The following DDHD1 variants were observed in gnomAD, a reference collection of about 807,000 sequenced individuals.
DDHD1 encodes the protein phospholipase DDHD1.
A neutral mutation model predicts 96.4 loss-of-function variants in DDHD1; 49 were observed. That is an observed-to-expected ratio of 0.51 (90% CI 0.40 to 0.64). The LOEUF is 0.64. DDHD1 is among the 30% of genes least tolerant of loss of function. The pLI is 0.00. For synonymous variants in DDHD1, 442 were observed against 446.5 expected, an observed-to-expected ratio of 0.99 and a Z score of 0.13; for missense variants, 1,106 against 1,161.2, an observed-to-expected ratio of 0.95 and a Z score of 0.69.
intron 9 of DDHD1, 97 bp downstream of exon 9, chr14:53,058,380 G>T: frequency 1.5e-6 from 2 of 1,375,362 alleles, no homozygotes; most frequent in South Asian, 3.0e-5. Flanking sequence ...CTCCCAAAGT[G>T]CTGGGATTAC....
chr14:53,121,085 T>C (rs368643894), intron 1 of DDHD1, among the ~76,000 whole-genome samples: 92 of 150,800 alleles, frequency 6.1e-4, no homozygotes, highest in African/African-American at 2.2e-3. Flanking sequence ...GGAACTTAAA[T>C]CTACAAGAAA....
At position 53,042,047 on chromosome 14, in the gene DDHD1, T is replaced by C. The variant is rs1881696337; in HGVS notation, c.*4721A>G. The C allele has an allele frequency of 6.6e-6, 1 of 152,142 alleles. No individual in the cohort carries two copies. Among genetic ancestry groups the C allele is most frequent in the Non-Finnish European group, 1.5e-5 (1 of 68,026 alleles). The allele number at this position is 152,142 out of a possible 1,614,324, so 9.4% of individuals were successfully genotyped here. A position where few individuals can be genotyped will look rare whatever the true frequency, so the allele number is the denominator to read the frequency against. On this transcript the variant is annotated 3_prime_UTR_variant, in exon 13 of 13. Coordinates refer to ENST00000673822, the MANE Select transcript of DDHD1 (RefSeq NM_001160148.2). ...GTCATTCATTGGCCATGTGATTGTA[T>C]AGGGTGGAATCGGTCACTTACAAAA...
rs992127542 is a variant in DDHD1, at chr14:53,036,901, A to G, written c.*9867T>C. 6.6e-6 allele frequency: 1 copy of G among 152,154 alleles called. No homozygotes were observed. Among genetic ancestry groups the G allele is most frequent in the African/African-American group, 2.4e-5 (1 of 41,426 alleles). 9.4% of individuals were successfully genotyped at this position (152,154 alleles called of 1,614,324 possible). ...ACCCAGGTAGTGAGCATAGTACCCA[A>G]TAGGTAGTTTTTCAACCTATCCTTC... On this transcript the variant is annotated 3_prime_UTR_variant, in exon 13 of 13. Coordinates refer to ENST00000673822, the MANE Select transcript of DDHD1 (RefSeq NM_001160148.2).
chr14:53,126,733 T>C (rs1205940758), intron 1 of DDHD1, among the ~76,000 whole-genome samples: 1 of 152,240 alleles, frequency 6.6e-6, no homozygotes, highest in Non-Finnish European at 1.5e-5. Context: ...TTACTTGACG[T>C]AGAAGTGGTC....
intron 3 of DDHD1, 135 bp downstream of exon 3, chr14:53,093,181 T>C (rs1251280980): frequency 4.7e-6 from 4 of 848,434 alleles, no homozygotes; most frequent in Non-Finnish European, 6.5e-6. Flanking sequence ...AAAAGTTTCA[T>C]TTAAAAAGGA....
chr14:53,137,605 A>G (rs1890330748), intron 1 of DDHD1, among the ~76,000 whole-genome samples: 1 of 147,802 alleles, frequency 6.8e-6, no homozygotes, highest in South Asian at 2.1e-4. Context: ...AAATAAAAAT[A>G]AAAATAAAAA....
rs1020807020 is a variant in DDHD1, at chr14:53,086,067, T to C, written c.1289+5718A>G. ...AGGTTATCAGTGAATGAAGATCAAA[T>C]TCATGAAATGAAGCGAAAAGAGAAG... On this transcript the variant is annotated intron_variant, in intron 4 of 12. Transcript: ENST00000673822. 4.6e-5 allele frequency among the ~76,000 whole-genome samples: 7 copies of C among 152,270 alleles called. No homozygotes were observed. The South Asian group carries it at 1.2e-3, about 27-fold the overall frequency.
chr14:53,113,579 C>T (rs962538853), intron 1 of DDHD1, among the ~76,000 whole-genome samples: 5 of 151,816 alleles, frequency 3.3e-5, no homozygotes, highest in South Asian at 2.1e-4. Context: ...AATGAACCCA[C>T]GGAGAGTGAG....
chr14:53,136,531 T>C (rs1890255844), intron 1 of DDHD1, among the ~76,000 whole-genome samples: 1 of 152,302 alleles, frequency 6.6e-6, no homozygotes, highest in East Asian at 1.9e-4. Flanking sequence ...CTTTATTCTT[T>C]AGCTGAGTAC....
intron 9 of DDHD1, among the ~76,000 whole-genome samples, chr14:53,056,959 AT>A (rs1883105282): frequency 6.6e-6 from 1 of 152,152 alleles, no homozygotes; most frequent in Non-Finnish European, 1.5e-5. Context: ...TGAAATGCTT[AT>A]TGTCTAGCTG....
rs2139798540 is a variant in DDHD1, at chr14:53,044,808, C to T, written c.*1960G>A. On this transcript the variant is annotated 3_prime_UTR_variant, in exon 13 of 13. Transcript: ENST00000673822. ...GCCAAAACAGCCAACAGTACTGAAG[C>T]ACTAAGTAAAACCTACAAGTAAGCC... The T allele has an allele frequency of 6.6e-6, 1 of 152,258 alleles. No individual in the cohort carries two copies. Among genetic ancestry groups the T allele is most frequent in the South Asian group, 2.1e-4 (1 of 4,830 alleles). The allele number at this position is 152,258 out of a possible 1,614,324, so 9.4% of individuals were successfully genotyped here. A position where few individuals can be genotyped will look rare whatever the true frequency, so the allele number is the denominator to read the frequency against.
chr14:53,090,640 C>T (rs552768460), intron 4 of DDHD1, among the ~76,000 whole-genome samples: 3 of 152,240 alleles, frequency 2.0e-5, no homozygotes, highest in South Asian at 2.1e-4. Context: ...AACCAAACAC[C>T]GTATGTTCTC....
At chr14:53,098,366 T>C (rs1445699124) in intron 2 of DDHD1, among the ~76,000 whole-genome samples, 2 of 152,042 alleles carry the variant, frequency 1.3e-5, no homozygotes, top group South Asian at 2.1e-4. Flanking sequence ...TTCTGCATTA[T>C]ATAACTCTGA....
intron 4 of DDHD1, among the ~76,000 whole-genome samples, chr14:53,085,722 A>C (rs1033903479): frequency 1.3e-5 from 2 of 152,194 alleles, no homozygotes; most frequent in African/African-American, 2.4e-5. Context: ...GAAAATTCTA[A>C]AACCCAGAGC....
chr14:53,146,946 T>G (rs1223006795), intron 1 of DDHD1, among the ~76,000 whole-genome samples: 10 of 151,968 alleles, frequency 6.6e-5, no homozygotes, highest in East Asian at 1.9e-4. Flanking sequence ...TTTTTTTTTT[T>G]TTTTTTGTAT....
intron 4 of DDHD1, among the ~76,000 whole-genome samples, chr14:53,078,882 G>A (rs1447630201): frequency 6.6e-6 from 1 of 152,056 alleles, no homozygotes; most frequent in African/African-American, 2.4e-5. Flanking sequence ...GTTGTCTTCT[G>A]TTTCTAATTT....
At chr14:53,071,993 G>A (rs1365125499) in intron 6 of DDHD1, among the ~76,000 whole-genome samples, 1 of 152,068 alleles carries the variant, frequency 6.6e-6, no homozygotes, top group Non-Finnish European at 1.5e-5. Context: ...CTTCAAATGA[G>A]GATACTAATC....
rs764456870 is a variant in DDHD1, at chr14:53,058,465, A to G, written c.1992+12T>C. 4 of 1,602,546 alleles carry G rather than the reference A, an allele frequency of 2.5e-6. No individual in the cohort carries two copies. Among genetic ancestry groups the G allele is most frequent in the Non-Finnish European group, 3.4e-6 (4 of 1,176,610 alleles). Reference sequence around the variant, plus strand: ...GACATTGAGAAAAAAAAGAGTCTATATTGCAACTCACCACTGGATCTGTAG... The same window carrying G: ...GACATTGAGAAAAAAAAGAGTCTATGTTGCAACTCACCACTGGATCTGTAG... On this transcript the variant is annotated intron_variant, in intron 9 of 12. Coordinates refer to ENST00000673822, the MANE Select transcript of DDHD1 (RefSeq NM_001160148.2).
intron 6 of DDHD1, among the ~76,000 whole-genome samples, chr14:53,068,401 T>C (rs367934646): frequency 6.6e-6 from 1 of 151,964 alleles, no homozygotes; most frequent in East Asian, 1.9e-4. Flanking sequence ...CAAACCACCA[T>C]ACATGGCTAA....
Sources: allele counts gnomAD v4.1 joint callset (sites outside exome capture counted in the v4.1 genomes callset), GRCh38; gene constraint gnomAD v4.1.1; transcripts MANE v1.5; gene names NCBI Gene and HGNC (gene_info 2026-07-23, HGNC 2026-07-21).